DCC: variants seen among roughly 807,000 people sequenced by gnomAD.
DCC encodes netrin receptor DCC.
DCC carries 58 observed loss-of-function variants against 172.5 expected under a neutral mutation model. That is an observed-to-expected ratio of 0.34 (90% CI 0.27 to 0.42). The LOEUF is 0.42. Ranked by LOEUF, DCC falls within the 10% of genes least tolerant of loss-of-function variation. The probability of loss-of-function intolerance (pLI) is 1.00; values close to 1 mark genes in which losing one functional copy is unlikely to be tolerated. For missense variants in DCC, 1,740 were observed against 1,791.0 expected, an observed-to-expected ratio of 0.97 and a Z score of 0.51; for synonymous variants, 709 against 644.5, an observed-to-expected ratio of 1.10 and a Z score of -1.52.
chr18:52,710,904 A>G (rs566856871), intron 1 of DCC, among the ~76,000 whole-genome samples: 1 of 152,300 alleles, frequency 6.6e-6, no homozygotes, highest in South Asian at 2.1e-4. Context: ...TCTGACATAC[A>G]CATCAATGGT....
At chr18:52,726,930 A>G (rs1247499954) in intron 1 of DCC, among the ~76,000 whole-genome samples, 1 of 152,220 alleles carries the variant, frequency 6.6e-6, no homozygotes, top group Non-Finnish European at 1.5e-5. Flanking sequence ...AATTATAGTT[A>G]TGAAAAGAAA....
intron 7 of DCC, among the ~76,000 whole-genome samples, chr18:53,137,637 G>T (rs1007859738): frequency 1.3e-5 from 2 of 152,122 alleles, no homozygotes; most frequent in Non-Finnish European, 2.9e-5. Flanking sequence ...TGGAAGTACA[G>T]TCATCTTAGA....
At chr18:53,369,280 G>T (rs1041916311) in intron 15 of DCC, among the ~76,000 whole-genome samples, 1 of 151,632 alleles carries the variant, frequency 6.6e-6, no homozygotes, top group Admixed American at 6.6e-5. Flanking sequence ...GTGTTATTTT[G>T]CTAAATTCGT....
intron 8 of DCC, among the ~76,000 whole-genome samples, chr18:53,162,245 G>C (rs1249470360): frequency 2.7e-5 from 4 of 149,982 alleles, no homozygotes; most frequent in Middle Eastern, 3.2e-3. Flanking sequence ...ATGGCAGTGA[G>C]CCGAGATCGT....
intron 1 of DCC, among the ~76,000 whole-genome samples, chr18:52,533,687 G>T (rs1444867713): frequency 6.6e-6 from 1 of 152,078 alleles, no homozygotes; most frequent in Non-Finnish European, 1.5e-5. Context: ...TGTGAATAAA[G>T]CTACTGTGAG....
intron 12 of DCC, among the ~76,000 whole-genome samples, chr18:53,262,306 C>T (rs150199026): frequency 1.3e-5 from 2 of 152,248 alleles, no homozygotes; most frequent in East Asian, 3.9e-4. Flanking sequence ...ATATACAGAC[C>T]AAATGCTATT....
intron 1 of DCC, among the ~76,000 whole-genome samples, chr18:52,342,903 CAG>C (rs1392818474): frequency 6.6e-6 from 1 of 152,010 alleles, no homozygotes; most frequent in African/African-American, 2.4e-5. Context: ...ATTTCTTGTC[CAG>C]AGAGTCAGGG....
intron 8 of DCC, among the ~76,000 whole-genome samples, chr18:53,158,475 T>C (rs535696700): frequency 3.7e-4 from 57 of 152,184 alleles, no homozygotes; most frequent in Non-Finnish European, 6.8e-4. Context: ...AATTTGTGAG[T>C]GCTGTAAACA....
At chr18:52,548,095 A>G (rs2032665259) in intron 1 of DCC, among the ~76,000 whole-genome samples, 1 of 152,154 alleles carries the variant, frequency 6.6e-6, no homozygotes, top group African/African-American at 2.4e-5. Context: ...AAAACCTTCT[A>G]TTAGCTCTCC....
chr18:52,596,570 A>G (rs1023252219), intron 1 of DCC, among the ~76,000 whole-genome samples: 2 of 152,210 alleles, frequency 1.3e-5, no homozygotes, highest in Admixed American at 6.5e-5. Flanking sequence ...AGCCCACCAG[A>G]TAATTCTGAT....
chr18:52,878,927 C>G (rs534850322), intron 2 of DCC, among the ~76,000 whole-genome samples: 1 of 152,066 alleles, frequency 6.6e-6, no homozygotes, highest in Admixed American at 6.5e-5. Context: ...CTAAAACACA[C>G]CCGGGCACAA....
chr18:53,287,637 A>G (rs1249130522), intron 12 of DCC, among the ~76,000 whole-genome samples: 1 of 152,140 alleles, frequency 6.6e-6, no homozygotes, highest in Non-Finnish European at 1.5e-5. Flanking sequence ...CAGTTGTGTG[A>G]AGATTCCATT....
chr18:52,667,075 A>G (rs150068352), intron 1 of DCC, among the ~76,000 whole-genome samples: 345 of 152,274 alleles, frequency 2.3e-3, no homozygotes, highest in African/African-American at 8.0e-3. Context: ...GATTACAGTT[A>G]CAAGGGAGGA....
At chr18:53,182,212 A>T (rs76615816) in intron 9 of DCC, among the ~76,000 whole-genome samples, 8,019 of 152,352 alleles carry the variant, frequency 0.053, 298 homozygotes, top group Middle Eastern at 0.092. Flanking sequence ...AAAATGAAGA[A>T]TCTCTCTGCT....
intron 5 of DCC, among the ~76,000 whole-genome samples, chr18:52,948,312 ATGTGTGTG>A (rs10566106): frequency 9.3e-5 from 14 of 150,190 alleles, no homozygotes; most frequent in South Asian, 2.1e-4. Flanking sequence ...CACAGTGTTG[ATGTGTGTG>A]TGTGTGTGTG....
At chr18:52,879,412 C>CTTTGTTTTTTTTTT (rs2039448421) in intron 2 of DCC, among the ~76,000 whole-genome samples, 1 of 62,356 alleles carries the variant, frequency 1.6e-5, no homozygotes, top group Non-Finnish European at 2.9e-5. Flanking sequence ...TGTTGTTTGG[C>CTTTGTTTTTTTTTT]TTTTTTTTTT....
rs533656835 is a variant in DCC, at chr18:53,167,299, A to G, written c.1418+9787A>G. Among the ~76,000 whole-genome samples the G allele has an allele frequency of 2.6e-5, 4 of 152,322 alleles. No individual in the cohort carries two copies. The East Asian group carries it at 7.7e-4, about 29-fold the overall frequency. On this transcript the variant is annotated intron_variant, in intron 8 of 28. Coordinates refer to ENST00000442544, the MANE Select transcript of DCC (RefSeq NM_005215.4). ...GAATCATGTTTAATCTCTAAACTCT[A>G]CTTCTGAAATGTAAAAATAGAAGTG...
intron 1 of DCC, among the ~76,000 whole-genome samples, chr18:52,742,167 G>A (rs1035688611): frequency 6.6e-6 from 1 of 152,066 alleles, no homozygotes; most frequent in African/African-American, 2.4e-5. Context: ...TAAGTCTGTG[G>A]GAAACAAATC....
intron 5 of DCC, among the ~76,000 whole-genome samples, chr18:53,019,627 T>C (rs2041852499): frequency 1.3e-5 from 2 of 152,188 alleles, no homozygotes; most frequent in South Asian, 2.1e-4. Context: ...CCAGGATATA[T>C]ATCACATTAT....
Sources: gnomAD v4.1 joint callset for allele counts (sites outside exome capture counted in the v4.1 genomes callset) on GRCh38, gnomAD v4.1.1 for gene constraint, MANE v1.5 for transcripts, NCBI Gene and HGNC (gene_info 2026-07-23, HGNC 2026-07-21) for gene names.